The following ZCCHC7 variants were observed in gnomAD, a reference collection of about 807,000 sequenced individuals.
ZCCHC7 encodes the protein zinc finger CCHC-type containing 7.
ZCCHC7 carries 35 observed loss-of-function variants against 52.0 expected under a neutral mutation model. That is an observed-to-expected ratio of 0.67 (90% CI 0.51 to 0.89). ZCCHC7 has a LOEUF of 0.89. Among genes scored for constraint, ZCCHC7 ranks in the 40% least tolerant of loss-of-function variants. The probability of loss-of-function intolerance (pLI) is 0.00; values close to 1 mark genes in which losing one functional copy is unlikely to be tolerated. For missense variants in ZCCHC7, 574 were observed against 649.1 expected (o/e 0.88, Z 1.26); for synonymous variants, 217 against 221.5 (o/e 0.98, Z 0.18).
chr9:37,351,507 A>G (rs935872668), intron 7 of ZCCHC7, among the ~76,000 whole-genome samples: 2 of 152,142 alleles, frequency 1.3e-5, no homozygotes, highest in Non-Finnish European at 2.9e-5. Context: ...TGGTCTCACT[A>G]TGATGCCCAG....
At chr9:37,186,949 C>A (rs752038452) in intron 2 of ZCCHC7, 15 of 298,134 alleles carry the variant, frequency 5.0e-5, no homozygotes, top group Middle Eastern at 8.1e-4. Flanking sequence ...GTGTATTTTT[C>A]TGTCACGAAT....
chr9:37,237,300 G>A (rs1825696741), intron 2 of ZCCHC7, among the ~76,000 whole-genome samples: 2 of 152,168 alleles, frequency 1.3e-5, no homozygotes, highest in African/African-American at 4.8e-5. Context: ...GAAATGTGTT[G>A]TTTAGCAATA....
Position 37,171,357 on chromosome 9 carries a change from T to C in ZCCHC7, c.610+44415T>C, listed in dbSNP as rs540493257. ...TGTTAGCTTGTTTGTGAGTGCTGTTTTCATGTTCTGTCAGTTTCATTAATA... is the reference window on the plus strand; with the variant it reads ...TGTTAGCTTGTTTGTGAGTGCTGTTCTCATGTTCTGTCAGTTTCATTAATA... On this transcript the variant is annotated intron_variant, in intron 2 of 8. Transcript: ENST00000336755. Among the ~76,000 whole-genome samples the C allele has an allele frequency of 2.6e-5, 4 of 152,370 alleles. 1 individual carries two copies. Among genetic ancestry groups the C allele is most frequent in the African/African-American group, 9.6e-5 (4 of 41,594 alleles).
intron 5 of ZCCHC7, among the ~76,000 whole-genome samples, chr9:37,325,756 A>G (rs554809194): frequency 2.6e-5 from 4 of 152,342 alleles, no homozygotes; most frequent in Admixed American, 2.0e-4. Flanking sequence ...AAATGAAACT[A>G]TGCATGAGAA....
intron 2 of ZCCHC7, among the ~76,000 whole-genome samples, chr9:37,283,635 A>G (rs1828075559): frequency 6.6e-6 from 1 of 152,152 alleles, no homozygotes; most frequent in Non-Finnish European, 1.5e-5. Flanking sequence ...GGGGAGAAGA[A>G]TTAGTATGCA....
chr9:37,269,716 T>TTATAACTGAA (rs1827310881), intron 2 of ZCCHC7, among the ~76,000 whole-genome samples: 1 of 150,766 alleles, frequency 6.6e-6, no homozygotes, highest in African/African-American at 2.4e-5. Flanking sequence ...TGAAGAAAGA[T>TTATAACTGAA]TATAACTGAA....
intron 2 of ZCCHC7, among the ~76,000 whole-genome samples, chr9:37,188,980 C>A (rs1221194194): frequency 2.1e-5 from 1 of 46,782 alleles, no homozygotes; most frequent in African/African-American, 1.0e-4. Flanking sequence ...CCTCTCCCCA[C>A]TCCTTCCTTT....
chr9:37,264,313 A>T (rs1010916103), intron 2 of ZCCHC7, among the ~76,000 whole-genome samples: 24 of 152,176 alleles, frequency 1.6e-4, no homozygotes, highest in African/African-American at 4.3e-4. Context: ...TTAATTTTTT[A>T]AAAATATATG....
chr9:37,120,500 C>G (rs759257151), upstream of ZCCHC7: 4 of 398,998 alleles, frequency 1.0e-5, no homozygotes, highest in Non-Finnish European at 1.3e-5. Flanking sequence ...TGTGTTGTCC[C>G]CGGAAGTGCC....
chr9:37,195,758 T>G (rs1823258411), intron 2 of ZCCHC7, among the ~76,000 whole-genome samples: 1 of 152,196 alleles, frequency 6.6e-6, no homozygotes. Context: ...GAAGAGACAC[T>G]ACCTACAAAG....
At chr9:37,220,715 G>A (rs1465083133) in intron 2 of ZCCHC7, among the ~76,000 whole-genome samples, 2 of 152,108 alleles carry the variant, frequency 1.3e-5, no homozygotes, top group Non-Finnish European at 2.9e-5. Context: ...ACTCGTGAAG[G>A]TATAGTTTAT....
chr9:37,313,304 G>A (rs1829674521), intron 5 of ZCCHC7, among the ~76,000 whole-genome samples: 1 of 151,100 alleles, frequency 6.6e-6, no homozygotes, highest in Admixed American at 6.6e-5. Context: ...AGAAAGTTAA[G>A]TTGATTTCTA....
At chr9:37,282,204 A>G (rs946047352) in intron 2 of ZCCHC7, among the ~76,000 whole-genome samples, 9 of 152,188 alleles carry the variant, frequency 5.9e-5, no homozygotes, top group African/African-American at 2.2e-4. Flanking sequence ...AATTCTGGTG[A>G]TGGCTGCAAA....
rs114814448 is a variant in ZCCHC7, at chr9:37,355,099, T to G, written c.1198+275T>G. Among the ~76,000 whole-genome samples the G allele has an allele frequency of 4.5e-3, 679 of 152,366 alleles. 5 individuals are homozygous for G. The highest frequency in any genetic ancestry group is 0.015 in the African/African-American group (624 of 41,588). On this transcript the variant is annotated intron_variant, in intron 8 of 8. Transcript: ENST00000336755. ...CTGTCCATCTATATAGGCAGAGTTT[T>G]TAAAGGCTCCTTTGAGATTTTTCTG...
chr9:37,271,347 G>A (rs1469776056), intron 2 of ZCCHC7, among the ~76,000 whole-genome samples: 1 of 152,160 alleles, frequency 6.6e-6, no homozygotes, highest in African/African-American at 2.4e-5. Context: ...TAATTGCATG[G>A]AAAAGAGGGA....
At chr9:37,289,396 G>T (rs923482526) in intron 2 of ZCCHC7, among the ~76,000 whole-genome samples, 2 of 152,060 alleles carry the variant, frequency 1.3e-5, no homozygotes, top group Admixed American at 6.5e-5. Context: ...TGATCTGCCC[G>T]CCTCGGCCTC....
chr9:37,354,498 A>T lies in ZCCHC7; in HGVS notation c.1084-212A>T, dbSNP rs1821577662. ...GGTTTCATAGGTAAAGAAGTAAGGG[A>T]AGAAAACTCAAGCTTGAAAGAATAT... is the stretch of plus-strand genomic sequence containing the variant. On this transcript the variant is annotated intron_variant, in intron 7 of 8. Coordinates refer to ENST00000336755, the MANE Select transcript of ZCCHC7 (RefSeq NM_032226.3). The surrounding 1 kb of genome is among the most constrained non-coding windows in gnomAD (Gnocchi z 4.0). Among the ~76,000 whole-genome samples, 1 of 152,188 alleles carries T rather than the reference A, an allele frequency of 6.6e-6. No homozygotes were observed. Among genetic ancestry groups the T allele is most frequent in the African/African-American group, 2.4e-5 (1 of 41,438 alleles).
At chr9:37,278,701 A>G (rs903805926) in intron 2 of ZCCHC7, among the ~76,000 whole-genome samples, 1 of 152,240 alleles carries the variant, frequency 6.6e-6, no homozygotes, top group African/African-American at 2.4e-5. Flanking sequence ...TATAAATAGT[A>G]ACAGAAAGGA....
At chr9:37,264,534 AC>A (rs564417401) in intron 2 of ZCCHC7, among the ~76,000 whole-genome samples, 123 of 152,276 alleles carry the variant, frequency 8.1e-4, no homozygotes, top group African/African-American at 2.6e-3. Flanking sequence ...TATTGTGAAC[AC>A]ACCACAGCAG....
Sources: gnomAD v4.1 joint callset for allele counts (sites outside exome capture counted in the v4.1 genomes callset) on GRCh38, gnomAD v4.1.1 for gene constraint, Gnocchi (gnomAD v3.1) non-coding constraint, MANE v1.5 for transcripts, NCBI Gene and HGNC (gene_info 2026-07-23, HGNC 2026-07-21) for gene names.